BCKDHB: variants seen among roughly 807,000 people sequenced by gnomAD.
BCKDHB encodes the protein 2-oxoisovalerate dehydrogenase subunit beta, mitochondrial.
A neutral mutation model predicts 48.5 loss-of-function variants in BCKDHB; 41 were observed. The observed-to-expected ratio is 0.85, with a 90% CI of 0.66 to 1.10. The LOEUF (loss-of-function observed/expected upper bound fraction) is 1.10. Among genes scored for constraint, BCKDHB ranks in the 50% least tolerant of loss-of-function variants. BCKDHB has a pLI of 0.00. For synonymous variants in BCKDHB, 201 were observed against 174.8 expected (o/e 1.15, Z -1.18); for missense variants, 496 against 494.2 (o/e 1.00, Z -0.03).
At chr6:80,354,455 C>A in the BCKDHB span, among the ~76,000 whole-genome samples, 1 of 152,148 alleles carries the variant, frequency 6.6e-6, no homozygotes, top group East Asian at 1.9e-4. Flanking sequence ...TCTTGAACTC[C>A]TGAGCTCAGG....
chr6:80,354,231 A>T, the BCKDHB span, among the ~76,000 whole-genome samples: 1 of 150,700 alleles, frequency 6.6e-6, no homozygotes, highest in East Asian at 1.9e-4. Flanking sequence ...TTATTTATTT[A>T]TTTATTTATT....
chr6:80,228,785 A>T (rs1172995333), intron 8 of BCKDHB, among the ~76,000 whole-genome samples: 1 of 152,074 alleles, frequency 6.6e-6, no homozygotes, highest in African/African-American at 2.4e-5. Flanking sequence ...AGGTGTACTG[A>T]CCCAACTTGT....
chr6:80,137,787 A>C (rs1770964028), intron 3 of BCKDHB, among the ~76,000 whole-genome samples: 1 of 152,042 alleles, frequency 6.6e-6, no homozygotes, highest in South Asian at 2.1e-4. Context: ...CCAAAATGTC[A>C]ATACTGTTGA....
chr6:80,450,545 A>C, the BCKDHB span, among the ~76,000 whole-genome samples: 1 of 152,152 alleles, frequency 6.6e-6, no homozygotes, highest in Non-Finnish European at 1.5e-5. Context: ...GCTCTTACAC[A>C]AAGGACAATA....
At chr6:80,304,783 A>G (rs1767769578) in intron 9 of BCKDHB, among the ~76,000 whole-genome samples, 2 of 152,124 alleles carry the variant, frequency 1.3e-5, no homozygotes, top group South Asian at 4.1e-4. Context: ...GTATTAATAT[A>G]ATTTATTACA....
At chr6:80,437,780 ACT>A in the BCKDHB span, among the ~76,000 whole-genome samples, 2 of 152,112 alleles carry the variant, frequency 1.3e-5, no homozygotes, top group Non-Finnish European at 2.9e-5. Context: ...TTCATCAAAC[ACT>A]CTAAATATTT....
chr6:80,353,618 G>A, the BCKDHB span, among the ~76,000 whole-genome samples: 1 of 152,120 alleles, frequency 6.6e-6, no homozygotes, highest in African/African-American at 2.4e-5. Flanking sequence ...ACTTTGGGAG[G>A]CTGAGGTGGG....
chr6:80,135,633 T>A (rs1770848475), intron 3 of BCKDHB, among the ~76,000 whole-genome samples: 1 of 152,150 alleles, frequency 6.6e-6, no homozygotes, highest in African/African-American at 2.4e-5. Flanking sequence ...TTCCCCACAG[T>A]GCTTTTTTCA....
At chr6:80,216,546 C>G (rs1404977210) in intron 8 of BCKDHB, among the ~76,000 whole-genome samples, 1 of 152,012 alleles carries the variant, frequency 6.6e-6, no homozygotes, top group African/African-American at 2.4e-5. Flanking sequence ...TTTTTGGTGT[C>G]CTCTTATACA....
chr6:80,392,478 T>A, the BCKDHB span, among the ~76,000 whole-genome samples: 1 of 152,014 alleles, frequency 6.6e-6, no homozygotes, highest in Non-Finnish European at 1.5e-5. Context: ...CCATTGTACC[T>A]TTCCTAGTTT....
intron 9 of BCKDHB, among the ~76,000 whole-genome samples, chr6:80,290,113 C>G (rs560709589): frequency 6.6e-6 from 1 of 152,230 alleles, no homozygotes; most frequent in Non-Finnish European, 1.5e-5. Flanking sequence ...CCCAGTACAG[C>G]TGGAATGCCA....
intron 1 of BCKDHB, chr6:80,127,171 T>C (rs1042163925): frequency 1.4e-5 from 4 of 287,604 alleles, no homozygotes; most frequent in African/African-American, 8.8e-5. Context: ...CCACTGGTCA[T>C]GCACATTCCT....
At chr6:80,420,756 C>T in the BCKDHB span, among the ~76,000 whole-genome samples, 2 of 152,202 alleles carry the variant, frequency 1.3e-5, no homozygotes, top group Admixed American at 6.5e-5. Flanking sequence ...TTCAGCTGTG[C>T]TGCCGATGCC....
At chr6:80,261,086 C>G (rs1308428356) in intron 8 of BCKDHB, among the ~76,000 whole-genome samples, 1 of 152,270 alleles carries the variant, frequency 6.6e-6, no homozygotes, top group African/African-American at 2.4e-5. Flanking sequence ...ATTCCCATTA[C>G]TTCTTGAGGT....
intron 8 of BCKDHB, among the ~76,000 whole-genome samples, chr6:80,246,575 C>T (rs1776624127): frequency 1.3e-5 from 2 of 151,846 alleles, no homozygotes; most frequent in Non-Finnish European, 2.9e-5. Flanking sequence ...ATCTCACTGA[C>T]ATCCTACTGA....
intron 5 of BCKDHB, chr6:80,169,887 A>G: frequency 6.3e-7 from 1 of 1,590,696 alleles, no homozygotes; most frequent in African/African-American, 1.4e-5. Flanking sequence ...GTAGACTGGG[A>G]AAGAAGCCAT....
chr6:80,361,382 G>A, the BCKDHB span, among the ~76,000 whole-genome samples: 1 of 152,212 alleles, frequency 6.6e-6, no homozygotes, highest in Non-Finnish European at 1.5e-5. Flanking sequence ...GGAGGGCTGG[G>A]AAAAGATGGC....
At chr6:80,356,952 G>GCCCCC in the BCKDHB span, 12 of 90,356 alleles carry the variant, frequency 1.3e-4, no homozygotes, top group African/African-American at 6.0e-4. Flanking sequence ...CCCCGCCCCC[G>GCCCCC]CCCCCCCCCC....
At chr6:80,457,345 A>T in the BCKDHB span, among the ~76,000 whole-genome samples, 1 of 152,156 alleles carries the variant, frequency 6.6e-6, no homozygotes, top group Non-Finnish European at 1.5e-5. Flanking sequence ...TAATGCTGAC[A>T]CCAGCAGAAA....
Sources: gnomAD v4.1 joint callset for allele counts (sites outside exome capture counted in the v4.1 genomes callset) on GRCh38, gnomAD v4.1.1 for gene constraint, MANE v1.5 for transcripts, NCBI Gene and HGNC (gene_info 2026-07-23, HGNC 2026-07-21) for gene names.